The following GPC5 variants were observed in gnomAD, a reference collection of about 807,000 sequenced individuals.
GPC5 encodes glypican 5.
A neutral mutation model predicts 53.9 loss-of-function variants in GPC5; 47 were observed. The ratio of observed to expected loss-of-function variants is 0.87; its 90% CI spans 0.69 to 1.11. GPC5 has a LOEUF of 1.11. GPC5 is among the 50% of genes most tolerant of loss of function. The pLI is 0.00. For synonymous variants in GPC5, 286 were observed against 263.3 expected (o/e 1.09, Z -0.84); for missense variants, 748 against 713.1 (o/e 1.05, Z -0.56).
intron 2 of GPC5, among the ~76,000 whole-genome samples, chr13:91,497,238 T>C (rs1884321655): frequency 6.6e-6 from 1 of 152,192 alleles, no homozygotes. Context: ...ACAAACTTGA[T>C]TTAAACCTTT....
chr13:92,182,350 A>G (rs1010567407), intron 7 of GPC5, among the ~76,000 whole-genome samples: 2 of 152,208 alleles, frequency 1.3e-5, no homozygotes, highest in African/African-American at 2.4e-5. Flanking sequence ...TTCAAAAACA[A>G]TGTTCAAAAT....
At chr13:92,736,104 A>T (rs1415493338) in intron 7 of GPC5, among the ~76,000 whole-genome samples, 1 of 151,882 alleles carries the variant, frequency 6.6e-6, no homozygotes, top group Non-Finnish European at 1.5e-5. Flanking sequence ...CCCCCATCTC[A>T]TCTATCCAGA....
At chr13:91,639,163 A>G (rs1035454495) in intron 2 of GPC5, among the ~76,000 whole-genome samples, 2 of 152,154 alleles carry the variant, frequency 1.3e-5, no homozygotes, top group Non-Finnish European at 2.9e-5. Context: ...GGTGTGTGGA[A>G]TATTTTAAAG....
chr13:91,772,532 T>G (rs1566675469), intron 5 of GPC5, among the ~76,000 whole-genome samples: 1 of 152,192 alleles, frequency 6.6e-6, no homozygotes, highest in Non-Finnish European at 1.5e-5. Context: ...TACTCTTCCC[T>G]TATAATTTTT....
intron 6 of GPC5, among the ~76,000 whole-genome samples, chr13:92,044,664 G>A (rs2040967290): frequency 6.6e-6 from 1 of 152,148 alleles, no homozygotes; most frequent in Admixed American, 6.5e-5. Flanking sequence ...CTGTTAGGGT[G>A]GATGTTGAGA....
chr13:91,833,279 G>A (rs750597354), intron 5 of GPC5, among the ~76,000 whole-genome samples: 27 of 152,038 alleles, frequency 1.8e-4, no homozygotes, highest in Admixed American at 9.2e-4. Flanking sequence ...AAAACCTCAA[G>A]ACTGGATAGA....
At chr13:92,663,872 A>C (rs1886467957) in intron 7 of GPC5, among the ~76,000 whole-genome samples, 1 of 16,044 alleles carries the variant, frequency 6.2e-5, no homozygotes, top group African/African-American at 1.4e-4. Context: ...ATATATATAT[A>C]TATATATATA....
intron 1 of GPC5, among the ~76,000 whole-genome samples, chr13:91,437,238 A>G (rs1029647108): frequency 2.6e-5 from 4 of 152,170 alleles, no homozygotes; most frequent in African/African-American, 9.7e-5. Flanking sequence ...TTATGATGTT[A>G]GCTGGTTATT....
chr13:92,574,703 A>G (rs541538852), intron 7 of GPC5, among the ~76,000 whole-genome samples: 11 of 152,310 alleles, frequency 7.2e-5, no homozygotes, highest in African/African-American at 2.4e-4. Context: ...TCTGAACTCT[A>G]TGTGCAGACA....
At chr13:92,831,580 A>G (rs543503999) in intron 7 of GPC5, among the ~76,000 whole-genome samples, 1 of 152,182 alleles carries the variant, frequency 6.6e-6, no homozygotes. Flanking sequence ...AATCATAGAG[A>G]CAAAGACTTT....
chr13:91,951,473 C>T (rs1157488760), intron 6 of GPC5, among the ~76,000 whole-genome samples: 2 of 152,126 alleles, frequency 1.3e-5, no homozygotes, highest in Non-Finnish European at 2.9e-5. Context: ...TGTTAAAGTA[C>T]ATTCATACTT....
At chr13:91,774,535 A>T (rs757713040) in intron 5 of GPC5, among the ~76,000 whole-genome samples, 31 of 152,184 alleles carry the variant, frequency 2.0e-4, no homozygotes, top group African/African-American at 7.2e-4. Flanking sequence ...TTGGAGAAGC[A>T]GCCGGAAATC....
intron 5 of GPC5, among the ~76,000 whole-genome samples, chr13:91,878,032 C>T (rs2039223382): frequency 6.6e-6 from 1 of 152,118 alleles, no homozygotes; most frequent in Non-Finnish European, 1.5e-5. Flanking sequence ...TTTTGCCTCC[C>T]CCTGTGATTC....
At chr13:92,505,659 T>A (rs1304400477) in intron 7 of GPC5, among the ~76,000 whole-genome samples, 2 of 152,086 alleles carry the variant, frequency 1.3e-5, no homozygotes, top group Non-Finnish European at 2.9e-5. Flanking sequence ...TACATATGAA[T>A]GTTTATAGCA....
At chr13:92,441,140 C>A (rs957803479) in intron 7 of GPC5, among the ~76,000 whole-genome samples, 2 of 152,082 alleles carry the variant, frequency 1.3e-5, no homozygotes, top group African/African-American at 4.8e-5. Context: ...GGCACGATCT[C>A]GGCTCACTGC....
intron 2 of GPC5, among the ~76,000 whole-genome samples, chr13:91,517,391 A>C (rs1885561300): frequency 6.6e-6 from 1 of 152,188 alleles, no homozygotes; most frequent in African/African-American, 2.4e-5. Flanking sequence ...AAATGCTGCC[A>C]GTCTCTTTGC....
chr13:92,409,314 G>T (rs1220906232), intron 7 of GPC5, among the ~76,000 whole-genome samples: 2 of 151,650 alleles, frequency 1.3e-5, no homozygotes, highest in South Asian at 2.1e-4. Context: ...ACAATTAAAA[G>T]AAAATATTTT....
intron 7 of GPC5, among the ~76,000 whole-genome samples, chr13:92,709,116 C>T (rs1888049687): frequency 6.6e-6 from 1 of 151,452 alleles, no homozygotes; most frequent in Non-Finnish European, 1.5e-5. Flanking sequence ...GGCACGATCT[C>T]AGCTCACTGC....
chr13:92,575,112 A>T (rs748008314), intron 7 of GPC5, among the ~76,000 whole-genome samples: 1 of 152,210 alleles, frequency 6.6e-6, no homozygotes, highest in Non-Finnish European at 1.5e-5. Flanking sequence ...AATTTTGGAC[A>T]ACTAGCAGCT....
Sources: gnomAD v4.1 joint callset for allele counts (sites outside exome capture counted in the v4.1 genomes callset) on GRCh38, gnomAD v4.1.1 for gene constraint, MANE v1.5 for transcripts, NCBI Gene and HGNC (gene_info 2026-07-23, HGNC 2026-07-21) for gene names.